Variants in ZFHX3 observed in about 807,000 individuals in gnomAD.
ZFHX3 encodes the protein zinc finger homeobox protein 3.
ZFHX3 carries 42 observed loss-of-function variants against 279.1 expected under a neutral mutation model. That is an observed-to-expected ratio of 0.15 (90% confidence interval 0.12 to 0.19). The LOEUF is 0.19. Ranked by LOEUF, ZFHX3 falls within the 10% of genes least tolerant of loss-of-function variation. The pLI is 1.00. For missense variants in ZFHX3, 4,981 were observed against 4,754.0 expected, an observed-to-expected ratio of 1.05 and a Z score of -1.40; for synonymous variants, 2,293 against 1,957.8, an observed-to-expected ratio of 1.17 and a Z score of -4.52.
intron 7 of ZFHX3, among the ~76,000 whole-genome samples, chr16:73,118,082 T>C (rs1187599921): frequency 6.6e-6 from 1 of 152,234 alleles, no homozygotes; most frequent in Non-Finnish European, 1.5e-5. Context: ...CCTCAGAGAA[T>C]GCATGTTCCC....
chr16:73,539,104 T>C (rs1246345455), intron 2 of ZFHX3, among the ~76,000 whole-genome samples: 1 of 152,170 alleles, frequency 6.6e-6, no homozygotes, highest in Non-Finnish European at 1.5e-5. Flanking sequence ...TAATAGCCTA[T>C]GTTATCAAAC....
intron 7 of ZFHX3, among the ~76,000 whole-genome samples, chr16:73,111,216 C>G (rs1159974088): frequency 6.6e-6 from 1 of 152,232 alleles, no homozygotes; most frequent in African/African-American, 2.4e-5. Flanking sequence ...GTTGGGATTA[C>G]AGGCGTGAGC....
chr16:73,397,805 T>G (rs533103439), intron 3 of ZFHX3, among the ~76,000 whole-genome samples: 1 of 136,886 alleles, frequency 7.3e-6, no homozygotes, highest in African/African-American at 2.7e-5. Flanking sequence ...CTTTGGGGGG[T>G]CTTGGAAATG....
At chr16:73,019,394 G>C (rs1344590227) in intron 1 of ZFHX3, among the ~76,000 whole-genome samples, 1 of 152,032 alleles carries the variant, frequency 6.6e-6, no homozygotes, top group Non-Finnish European at 1.5e-5. Flanking sequence ...GTCTGCACGC[G>C]CACCTGAGTG....
intron 4 of ZFHX3, among the ~76,000 whole-genome samples, chr16:73,286,255 G>A (rs1258535333): frequency 6.6e-6 from 1 of 152,020 alleles, no homozygotes; most frequent in Non-Finnish European, 1.5e-5. Context: ...ATGGAACAAC[G>A]GCCCCAGAGG....
rs768810963 is a variant in ZFHX3, at chr16:72,794,862, G to A, written c.7820C>T (p.Pro2607Leu). 2.5e-6 allele frequency: 4 copies of A among 1,614,008 alleles called. No individual in the cohort carries two copies. Among genetic ancestry groups the A allele is most frequent in the Non-Finnish European group, 2.5e-6 (3 of 1,180,030 alleles). The change falls in exon 9 of 10, where the codon CCA becomes CTA. Residue 2607 changes from proline to leucine, a missense_variant. Physicochemically the swap from Pro to Leu is moderately conservative, Grantham distance 98. Coordinates refer to ENST00000268489, the MANE Select transcript of ZFHX3 (RefSeq NM_006885.4). This position sits in a 1 kb window ranked among gnomAD's most constrained non-coding sequence, Gnocchi z 4.2. Reference protein sequence around the residue: ...PASSATSPSTPTSTMNTLKRK... With the variant: ...PASSATSPSTLTSTMNTLKRK... ...CTTGAGAGTGTTCATTGTGGAGGTT[G>A]GAGTTGAAGGAGAAGTGGCTGAGCT...
At chr16:73,028,591 T>C (rs183247851) in intron 1 of ZFHX3, among the ~76,000 whole-genome samples, 1 of 152,252 alleles carries the variant, frequency 6.6e-6, no homozygotes, top group Admixed American at 6.5e-5. Context: ...CAGGGGACGA[T>C]TGTTAGAACT....
rs1967432548 is a variant in ZFHX3 at position 73,168,233 on chromosome 16, T to TTCTTTCTTTCTA, written c.-1103-24403_-1103-24402insTAGAAAGAAAGA. Among the ~76,000 whole-genome samples the TTCTTTCTTTCTA allele has an allele frequency of 3.5e-5, 5 of 141,616 alleles. No individual in the cohort carries two copies. The South Asian group carries it at 1.2e-3, about 35-fold the overall frequency. The allele number at this position is 141,616 out of a possible 152,430, so 92.9% of individuals were successfully genotyped here. A position where few individuals can be genotyped will look rare whatever the true frequency, so the allele number is the denominator to read the frequency against. On this transcript the variant is annotated intron_variant, in intron 5 of 17. Transcript: ENST00000641206. ...TTGTTTTCTTTCTTTCTTTCTTTCT[T>TTCTTTCTTTCTA]TCTTTCTTTCTTTCTTTCTTTCTTT...
At chr16:73,684,763 T>A (rs2053061997) in intron 1 of ZFHX3, among the ~76,000 whole-genome samples, 1 of 149,792 alleles carries the variant, frequency 6.7e-6, no homozygotes, top group African/African-American at 2.5e-5. Flanking sequence ...TGCAGTGGCA[T>A]GATCTCAGCT....
chr16:73,110,214 A>AG (rs1966355772), intron 7 of ZFHX3, among the ~76,000 whole-genome samples: 1 of 152,120 alleles, frequency 6.6e-6, no homozygotes, highest in African/African-American at 2.4e-5. Flanking sequence ...AAAAAAAAAA[A>AG]GAAGAGTTTC....
At chr16:73,684,629 C>A (rs2053059861) in intron 1 of ZFHX3, among the ~76,000 whole-genome samples, 1 of 151,674 alleles carries the variant, frequency 6.6e-6, no homozygotes, top group Non-Finnish European at 1.5e-5. Context: ...GATTGCAAAT[C>A]AGCTGACCTC....
chr16:73,353,484 A>G (rs1209838412), intron 3 of ZFHX3, among the ~76,000 whole-genome samples: 2 of 152,244 alleles, frequency 1.3e-5, no homozygotes, highest in African/African-American at 4.8e-5. Context: ...TGTGCTGGAT[A>G]CTATTTAAGT....
intron 8 of ZFHX3, among the ~76,000 whole-genome samples, chr16:73,069,002 G>A (rs1315823179): frequency 6.6e-6 from 1 of 152,236 alleles, no homozygotes; most frequent in African/African-American, 2.4e-5. Context: ...CAAGGGGGAA[G>A]GGTGGTCAGT....
intron 2 of ZFHX3, among the ~76,000 whole-genome samples, chr16:73,476,756 A>G (rs1290274651): frequency 6.6e-6 from 1 of 152,240 alleles, no homozygotes; most frequent in African/African-American, 2.4e-5. Context: ...CACAAAATTT[A>G]GTAACTTCAT....
intron 4 of ZFHX3, among the ~76,000 whole-genome samples, chr16:73,292,981 C>T (rs1421783687): frequency 2.6e-5 from 4 of 152,188 alleles, no homozygotes; most frequent in African/African-American, 9.7e-5. Context: ...TCAGAGATGG[C>T]ATCTACCATG....
chr16:73,340,662 C>T (rs2016014419), intron 3 of ZFHX3, among the ~76,000 whole-genome samples: 1 of 152,170 alleles, frequency 6.6e-6, no homozygotes, highest in Admixed American at 6.5e-5. Context: ...AGGCGTGAGC[C>T]ACCGTGCCTG....
intron 1 of ZFHX3, among the ~76,000 whole-genome samples, chr16:73,023,699 C>T (rs533149512): frequency 1.3e-5 from 2 of 152,206 alleles, no homozygotes; most frequent in Non-Finnish European, 1.5e-5. Context: ...ATTTTGAAGA[C>T]GGCTGGAATC....
chr16:73,758,613 C>T (rs2142278783), intron 1 of ZFHX3, among the ~76,000 whole-genome samples: 1 of 152,252 alleles, frequency 6.6e-6, no homozygotes, highest in African/African-American at 2.4e-5. Flanking sequence ...TTGCTAAGAG[C>T]TAGGGGAAGG....
chr16:73,326,556 T>C (rs1179485230), intron 3 of ZFHX3, among the ~76,000 whole-genome samples: 2 of 152,170 alleles, frequency 1.3e-5, no homozygotes, highest in African/African-American at 4.8e-5. Flanking sequence ...ATGCCAAGAA[T>C]AGGCAAACCT....
Sources: allele counts gnomAD v4.1 joint callset (sites outside exome capture counted in the v4.1 genomes callset), GRCh38; gene constraint gnomAD v4.1.1; non-coding constraint Gnocchi (gnomAD v3.1); transcripts MANE v1.5; gene names NCBI Gene and HGNC (gene_info 2026-07-23, HGNC 2026-07-21).